The following MPDZ variants were observed in gnomAD, a reference collection of about 807,000 sequenced individuals.
The protein encoded by MPDZ is multiple PDZ domain crumbs cell polarity complex component, also known as multiple PDZ domain protein.
A neutral mutation model predicts 239.1 loss-of-function variants in MPDZ; 234 were observed. The ratio of observed to expected loss-of-function variants is 0.98; its 90% confidence interval spans 0.88 to 1.09. MPDZ has a LOEUF of 1.09. Ranked by LOEUF, MPDZ falls within the 50% of genes least tolerant of loss-of-function variation. The pLI is 0.00. For missense variants in MPDZ, 3,175 were observed against 2,510.0 expected, an observed-to-expected ratio of 1.26 and a Z score of -5.66; for synonymous variants, 1,048 against 881.3, an observed-to-expected ratio of 1.19 and a Z score of -3.35.
rs1443825999 is a variant in MPDZ, at chr9:13,183,337, A to G, written c.2649+81T>C. The stretch of plus-strand genomic sequence containing the variant: ...ATAATGTCTCCAATATGTTATTCCC[A>G]CAACTCCCCATAAGGACTGAGCTCT... On this transcript the variant is annotated intron_variant, in intron 19 of 46. Transcript: ENST00000319217. 5.3e-6 allele frequency: 6 copies of G among 1,129,790 alleles called. No homozygotes were observed. In the Admixed American group the frequency reaches 1.8e-4, roughly 33 times the overall value. The allele number at this position is 1,129,790 out of a possible 1,614,324, so 70.0% of individuals were successfully genotyped here. A position where few individuals can be genotyped will look rare whatever the true frequency, so the allele number is the denominator to read the frequency against.
intron 3 of MPDZ, among the ~76,000 whole-genome samples, chr9:13,241,597 T>C (rs191192861): frequency 1.3e-3 from 198 of 152,186 alleles, no homozygotes; most frequent in Non-Finnish European, 2.3e-3. Flanking sequence ...TTGTTATTTA[T>C]ATAAGAAGAG....
At chr9:13,148,114 T>C (rs1948676446) in intron 25 of MPDZ, among the ~76,000 whole-genome samples, 1 of 152,044 alleles carries the variant, frequency 6.6e-6, no homozygotes, top group Non-Finnish European at 1.5e-5. Flanking sequence ...AGCTTGAAGT[T>C]CAAAACAAAA....
rs562151767 is a variant in MPDZ at position 13,119,371 on chromosome 9, C to A, written c.5379+131G>T. 5.9e-5 allele frequency: 64 copies of A among 1,082,672 alleles called. No homozygotes were observed. In the East Asian group the frequency reaches 1.5e-3, roughly 25 times the overall value. The allele number at this position is 1,082,672 out of a possible 1,614,324, so 67.1% of individuals were successfully genotyped here. ...AAATGCTGGGATTATAGGCGTGAGC[C>A]ATTGCACCTGGCCTTGAGGTGACAC... On this transcript the variant is annotated intron_variant, in intron 39 of 46. Transcript: ENST00000319217.
Position 13,168,398 on chromosome 9 carries a change from C to A in MPDZ, c.3222G>T (p.Leu1074Phe), listed in dbSNP as rs1380085863. 4 of 1,613,266 alleles carry A rather than the reference C, an allele frequency of 2.5e-6. No homozygotes were observed. Among genetic ancestry groups the A allele is most frequent in the Non-Finnish European group, 3.4e-6 (4 of 1,179,522 alleles). The change falls in exon 22 of 47, where the codon TTG becomes TTT. Residue 1074 changes from leucine (L) to phenylalanine (F), a missense_variant. By Grantham distance (22) the Leu-to-Phe change is conservative. Coordinates refer to ENST00000319217, the MANE Select transcript of MPDZ (RefSeq NM_001378778.1). ...SVTNAQARAM[L>F]RRHSLIGPDI... ...CAGGGCCAATGAGAGAATGTCTTCTCAACATAGCTCGTGCCTGGGCATTGG... is the reference window on the plus strand; with the variant it reads ...CAGGGCCAATGAGAGAATGTCTTCTAAACATAGCTCGTGCCTGGGCATTGG...
At chr9:13,187,172 T>C (rs1954226048) in intron 17 of MPDZ, among the ~76,000 whole-genome samples, 1 of 152,164 alleles carries the variant, frequency 6.6e-6, no homozygotes, top group Non-Finnish European at 1.5e-5. Context: ...TTTGCCCATA[T>C]ATGTGAGTTT....
intron 37 of MPDZ, 63 bp from the exon 38 acceptor site, chr9:13,121,995 A>G (rs1379356753): frequency 6.3e-7 from 1 of 1,595,528 alleles, no homozygotes; most frequent in East Asian, 2.2e-5. Context: ...TAGGTGGGGA[A>G]GGGAAGAGAG....
chr9:13,127,496 T>C (rs1945294500), intron 32 of MPDZ, among the ~76,000 whole-genome samples: 1 of 152,228 alleles, frequency 6.6e-6, no homozygotes, highest in East Asian at 1.9e-4. Flanking sequence ...TTTTAACATT[T>C]TCATTGCCAG....
intron 26 of MPDZ, among the ~76,000 whole-genome samples, chr9:13,147,105 A>T (rs1185928508): frequency 2.6e-5 from 4 of 152,048 alleles, no homozygotes; most frequent in Non-Finnish European, 5.9e-5. Context: ...ATGAACGATC[A>T]TTCACAGATG....
intron 12 of MPDZ, among the ~76,000 whole-genome samples, chr9:13,196,555 C>T (rs1194214145): frequency 6.6e-6 from 1 of 151,992 alleles, no homozygotes; most frequent in Non-Finnish European, 1.5e-5. Flanking sequence ...GGTAATGCTA[C>T]AGTAAAAAGG....
rs10960984 is a variant in MPDZ at position 13,255,041 on chromosome 9, T to G, written c.-57-4669A>C. Among the ~76,000 whole-genome samples the G allele has an allele frequency of 1.5e-3, 236 of 152,314 alleles. 4 individuals carry two copies. In the East Asian group the frequency reaches 0.04, roughly 26 times the overall value. On this transcript the variant is annotated intron_variant, in intron 1 of 46. Coordinates refer to ENST00000319217, the MANE Select transcript of MPDZ (RefSeq NM_001378778.1). ...TTTACCCACAATAGAACCTCTCAAATCCTGCTCCTACTTTATCAACTAAGG... is the reference window on the plus strand; with the variant it reads ...TTTACCCACAATAGAACCTCTCAAAGCCTGCTCCTACTTTATCAACTAAGG...
At chr9:13,115,950 C>CA (rs71491603) in intron 39 of MPDZ, among the ~76,000 whole-genome samples, 7,812 of 39,576 alleles carry the variant, frequency 0.2, 691 homozygotes, top group African/African-American at 0.28. Flanking sequence ...GACTCCACCT[C>CA]AAAAAAAAAA....
chr9:13,121,584 A>C (rs1944357293), intron 38 of MPDZ, among the ~76,000 whole-genome samples, 155 bp downstream of exon 38: 1 of 152,114 alleles, frequency 6.6e-6, no homozygotes, highest in Non-Finnish European at 1.5e-5. Context: ...TCCAAAACCA[A>C]TGTCTTTTTA....
intron 32 of MPDZ, among the ~76,000 whole-genome samples, chr9:13,130,354 A>G (rs1945790989): frequency 6.6e-6 from 1 of 152,174 alleles, no homozygotes; most frequent in African/African-American, 2.4e-5. Flanking sequence ...ACTTTTAGAC[A>G]ATGCAAAAAT....
intron 2 of MPDZ, among the ~76,000 whole-genome samples, chr9:13,248,928 A>G (rs1967065463): frequency 3.5e-5 from 5 of 143,602 alleles, no homozygotes; most frequent in Admixed American, 2.9e-4. Flanking sequence ...AGCCGAGATC[A>G]TACCACTACA....
Position 13,119,645 on chromosome 9 carries a change from C to T in MPDZ, c.5236G>A (p.Asp1746Asn), listed in dbSNP as rs767397676. ...ATGTCTGACACAAATACTCCAGTAT[C>T]GTTTCTACACACAATTTTGAATTTC... ...LGLSIVGKRN[D>N]TGVFVSDIVK... Residue 1746 changes from aspartate to asparagine, a missense_variant, in exon 39 of 47, where the codon GAT (aspartate) becomes AAT (asparagine). Asp to Asn is a conservative substitution (Grantham distance 23). Coordinates refer to ENST00000319217, the MANE Select transcript of MPDZ (RefSeq NM_001378778.1). The T allele has an allele frequency of 2.1e-5, 34 of 1,613,772 alleles. No homozygotes were observed. The highest frequency in any genetic ancestry group is 4.0e-5 in the African/African-American group (3 of 74,888).
chr9:13,263,088 G>T (rs1309564737), intron 1 of MPDZ, among the ~76,000 whole-genome samples: 1 of 151,962 alleles, frequency 6.6e-6, no homozygotes, highest in African/African-American at 2.4e-5. Flanking sequence ...AAAGCAGCTG[G>T]GTTGAAATAT....
At chr9:13,184,018 C>T (rs952953764) in intron 18 of MPDZ, among the ~76,000 whole-genome samples, 3 of 151,998 alleles carry the variant, frequency 2.0e-5, no homozygotes, top group African/African-American at 7.2e-5. Context: ...TTGTAAGCCA[C>T]ACTAAAACTA....
chr9:13,157,257 T>C (rs907675414), intron 24 of MPDZ, among the ~76,000 whole-genome samples: 1 of 152,202 alleles, frequency 6.6e-6, no homozygotes, highest in African/African-American at 2.4e-5. Context: ...TGTCCACTGA[T>C]TACCTATGTT....
chr9:13,175,168 A>G (rs1952296706), intron 21 of MPDZ, among the ~76,000 whole-genome samples: 1 of 152,196 alleles, frequency 6.6e-6, no homozygotes, highest in South Asian at 2.1e-4. Context: ...ACACAGTTTT[A>G]GCTATTGTAA....
Sources: allele counts gnomAD v4.1 joint callset (sites outside exome capture counted in the v4.1 genomes callset), GRCh38; gene constraint gnomAD v4.1.1; transcripts MANE v1.5; gene names NCBI Gene and HGNC (gene_info 2026-07-23, HGNC 2026-07-21).